Variants in RIN2 observed in about 807,000 individuals in gnomAD.
RIN2 encodes the protein RAB5 interacting protein 2.
Under a neutral mutation model 78.0 loss-of-function variants are expected in RIN2, and 36 were observed. The ratio of observed to expected loss-of-function variants is 0.46; its 90% CI spans 0.35 to 0.61. The LOEUF (loss-of-function observed/expected upper bound fraction) is 0.61, where lower values mean the gene tolerates loss of function less well. Among genes scored for constraint, RIN2 ranks in the 20% least tolerant of loss-of-function variants. The pLI, the probability that RIN2 is intolerant of heterozygous loss-of-function variation, is 0.00. For synonymous variants in RIN2, 466 were observed against 466.8 expected (o/e 1.00, Z 0.02); for missense variants, 1,087 against 1,159.7 (o/e 0.94, Z 0.91).
chr20:19,903,142 A>G (rs148809831), intron 3 of RIN2, among the ~76,000 whole-genome samples: 188 of 152,318 alleles, frequency 1.2e-3, no homozygotes, highest in African/African-American at 4.1e-3. Context: ...TTAACTTAGC[A>G]TCCTGTATTT....
chr20:19,973,312 C>G (rs959107068), intron 8 of RIN2, among the ~76,000 whole-genome samples: 2 of 151,970 alleles, frequency 1.3e-5, no homozygotes, highest in African/African-American at 2.4e-5. Context: ...TTGGACAGTG[C>G]GGGAGTCGGG....
In RIN2 at chr20:19,913,422, A is replaced by G. The variant is rs183708997; in HGVS notation, c.58-21677A>G. 5.3e-3 allele frequency among the ~76,000 whole-genome samples: 813 copies of G among 152,358 alleles called. 5 individuals are homozygous for G. Among genetic ancestry groups the G allele is most frequent in the African/African-American group, 0.018 (747 of 41,576 alleles). The stretch of plus-strand genomic sequence containing the variant: ...CTTGACTTCTGAAAGTGCTGAGATT[A>G]CAGACATGAGCCACCATGCCCAGTC... On this transcript the variant is annotated intron_variant, in intron 3 of 12. Transcript: ENST00000255006.
In RIN2 at chr20:19,968,927, G is replaced by C. The variant is rs620377; in HGVS notation, c.537-1911G>C. 6.6e-3 allele frequency among the ~76,000 whole-genome samples: 1,001 copies of C among 152,222 alleles called. 11 individuals are homozygous for C. The highest frequency in any genetic ancestry group is 0.023 in the African/African-American group (972 of 41,526). On this transcript the variant is annotated intron_variant, in intron 7 of 12. Transcript: ENST00000255006. ...ACAGCCATCCCCTGCAGTGCTGCCT[G>C]CTTCATCTCAAACAGACACAAGTGG...
intron 4 of RIN2, among the ~76,000 whole-genome samples, chr20:19,952,253 G>C (rs2041348383): frequency 2.6e-5 from 4 of 152,212 alleles, no homozygotes; most frequent in Admixed American, 2.6e-4. Flanking sequence ...AGAGGATGTA[G>C]CTTCCTGGGC....
intron 3 of RIN2, 68 bp from the exon 4 acceptor site, chr20:19,935,031 C>T (rs2040580250): frequency 8.6e-7 from 1 of 1,158,874 alleles, no homozygotes; most frequent in Admixed American, 2.0e-5. Context: ...AGCCTGAGTT[C>T]CCCGGGCGCT....
intron 2 of RIN2, among the ~76,000 whole-genome samples, chr20:19,828,281 A>G (rs1197346516): frequency 6.6e-6 from 1 of 152,190 alleles, no homozygotes; most frequent in East Asian, 1.9e-4. Context: ...ATTTCCTCTT[A>G]CAATGCCTCT....
chr20:19,768,567 G>A (rs1198099856), intron 1 of RIN2, among the ~76,000 whole-genome samples: 1 of 152,204 alleles, frequency 6.6e-6, no homozygotes, highest in East Asian at 1.9e-4. Flanking sequence ...GGACTCTGAA[G>A]GCACAGGGAC....
intron 2 of RIN2, among the ~76,000 whole-genome samples, chr20:19,885,789 T>G (rs760935937): frequency 1.1e-4 from 16 of 152,134 alleles, no homozygotes; most frequent in Non-Finnish European, 1.5e-4. Context: ...GTAATGCATA[T>G]GTTAATTAGC....
Position 19,801,796 on chromosome 20 carries a change from C to T in RIN2, c.-37+2049C>T, listed in dbSNP as rs144091497. 2.0e-3 allele frequency among the ~76,000 whole-genome samples: 306 copies of T among 152,224 alleles called. 2 individuals carry two copies. Among genetic ancestry groups the T allele is most frequent in the African/African-American group, 7.0e-3 (291 of 41,540 alleles). ...CCAAAGAGCATTAGATGTGAATTTT[C>T]TTGATAATAATGATGACAGAGTAAG... On this transcript the variant is annotated intron_variant, in intron 2 of 12. Coordinates refer to ENST00000255006, the MANE Select transcript of RIN2 (RefSeq NM_018993.4).
intron 3 of RIN2, among the ~76,000 whole-genome samples, chr20:19,917,342 A>G (rs1424068653): frequency 6.6e-6 from 1 of 152,240 alleles, no homozygotes; most frequent in Non-Finnish European, 1.5e-5. Flanking sequence ...TAAATGGCTG[A>G]GCCCAGGAGC....
chr20:19,858,034 T>C (rs1376617516), intron 2 of RIN2, among the ~76,000 whole-genome samples: 1 of 152,230 alleles, frequency 6.6e-6, no homozygotes, highest in Non-Finnish European at 1.5e-5. Flanking sequence ...CTATGTCTTA[T>C]TCATTCACTT....
intron 1 of RIN2, among the ~76,000 whole-genome samples, chr20:19,775,386 C>G (rs546859407): frequency 6.6e-6 from 1 of 152,312 alleles, no homozygotes; most frequent in African/African-American, 2.4e-5. Flanking sequence ...ATGGGGCCCC[C>G]ATTGAAGTCG....
intron 2 of RIN2, among the ~76,000 whole-genome samples, chr20:19,825,688 T>C (rs4814904): frequency 0.54 from 81,687 of 152,082 alleles, 22,374 homozygotes; most frequent in Middle Eastern, 0.66. Context: ...TAAGCCCAAA[T>C]GCTCATCAGG....
chr20:19,884,436 TA>T (rs1347959083), intron 2 of RIN2, among the ~76,000 whole-genome samples: 1 of 151,898 alleles, frequency 6.6e-6, no homozygotes, highest in Non-Finnish European at 1.5e-5. Flanking sequence ...AAACAATAAT[TA>T]AAATTAAAAT....
chr20:19,937,115 T>C (rs1426614340), intron 4 of RIN2, among the ~76,000 whole-genome samples: 1 of 152,116 alleles, frequency 6.6e-6, no homozygotes, highest in Non-Finnish European at 1.5e-5. Flanking sequence ...TGTGCTGGAG[T>C]GTCTTGCTGA....
At chr20:19,851,027 AAGGAAG>A (rs2036949431) in intron 2 of RIN2, among the ~76,000 whole-genome samples, 1 of 109,444 alleles carries the variant, frequency 9.1e-6, no homozygotes, top group Non-Finnish European at 1.9e-5. Context: ...GGAAGGAAGG[AAGGAAG>A]GAAGGAAGGA....
intron 3 of RIN2, among the ~76,000 whole-genome samples, chr20:19,926,685 T>G (rs1039631968): frequency 6.6e-6 from 1 of 152,152 alleles, no homozygotes; most frequent in East Asian, 1.9e-4. Flanking sequence ...CAAGGCCAAG[T>G]TGATGCACTT....
intron 3 of RIN2, among the ~76,000 whole-genome samples, 199 bp downstream of exon 3, chr20:19,889,857 G>A (rs1434597246): frequency 1.3e-5 from 2 of 152,162 alleles, no homozygotes; most frequent in Non-Finnish European, 2.9e-5. Flanking sequence ...CTTTCATACA[G>A]GCACAGGACT....
intron 4 of RIN2, among the ~76,000 whole-genome samples, chr20:19,946,301 G>A (rs1003523570): frequency 1.1e-4 from 17 of 152,194 alleles, no homozygotes; most frequent in African/African-American, 4.1e-4. Flanking sequence ...GATAAGGGAT[G>A]AGGATTTGAA....
Sources: allele counts gnomAD v4.1 joint callset (sites outside exome capture counted in the v4.1 genomes callset), GRCh38; gene constraint gnomAD v4.1.1; transcripts MANE v1.5; gene names NCBI Gene and HGNC (gene_info 2026-07-23, HGNC 2026-07-21).